The following MIB1 variants were observed in gnomAD, a reference collection of about 807,000 sequenced individuals.
MIB1 encodes the protein E3 ubiquitin-protein ligase MIB1.
In MIB1, 278 loss-of-function variants were observed where a neutral mutation model predicts 124.5. The ratio of observed to expected loss-of-function variants is 2.23; its 90% CI spans 2.02 to 2.47. The LOEUF is 2.47. MIB1 is among the 30% of genes most tolerant of loss of function. The pLI is 0.00. For missense variants in MIB1, 957 were observed against 1,254.4 expected (o/e 0.76, Z 3.58); for synonymous variants, 446 against 429.4 (o/e 1.04, Z -0.48).
chr18:21,757,482 AC>A (rs2041047196), intron 1 of MIB1, among the ~76,000 whole-genome samples: 2 of 115,402 alleles, frequency 1.7e-5, no homozygotes, highest in African/African-American at 6.4e-5. Context: ...AAAAAAAAAG[AC>A]AGTCTTTTTT....
intron 12 of MIB1, chr18:21,826,748 G>T (rs1442752397): frequency 6.6e-6 from 1 of 152,092 alleles, no homozygotes; most frequent in Non-Finnish European, 1.5e-5. Context: ...TGCTCTCAGA[G>T]AAATATAGAG....
intron 13 of MIB1, among the ~76,000 whole-genome samples, chr18:21,839,485 G>C (rs2042062652): frequency 1.3e-5 from 2 of 151,998 alleles, no homozygotes; most frequent in African/African-American, 4.8e-5. Flanking sequence ...TAATGTTCTA[G>C]ATCTTTTGCA....
intron 12 of MIB1, among the ~76,000 whole-genome samples, chr18:21,834,998 T>C (rs953418744): frequency 8.5e-5 from 13 of 152,220 alleles, no homozygotes; most frequent in Admixed American, 7.9e-4. Flanking sequence ...TGCTTTAAAA[T>C]AGATATTTAA....
At chr18:21,743,103 A>G (rs2040873281) in intron 1 of MIB1, among the ~76,000 whole-genome samples, 1 of 152,182 alleles carries the variant, frequency 6.6e-6, no homozygotes, top group South Asian at 2.1e-4. Flanking sequence ...TTTGAATATT[A>G]AAAAGGGTGT....
At chr18:21,862,258 C>T (rs544313905) in intron 20 of MIB1, among the ~76,000 whole-genome samples, 60 of 152,226 alleles carry the variant, frequency 3.9e-4, no homozygotes, top group Non-Finnish European at 6.6e-4. Context: ...AACTTTAAGA[C>T]AAAAATGTGA....
rs2040841055 is a variant in MIB1, at chr18:21,740,926, C to T, written c.-658C>T. On this transcript the variant is annotated 5_prime_UTR_variant, in exon 1 of 21. Transcript: ENST00000261537. ...TAGACACTCTGAGAAGGTGCCGCTC[C>T]GGCCTTGGGTACGGCGGTACCCGGA... Among the ~76,000 whole-genome samples the T allele has an allele frequency of 6.6e-6, 1 of 152,238 alleles. No individual in the cohort carries two copies. Among genetic ancestry groups the T allele is most frequent in the South Asian group, 2.1e-4 (1 of 4,838 alleles).
intron 12 of MIB1, chr18:21,829,432 T>G (rs549755871): frequency 1.3e-5 from 2 of 156,862 alleles, no homozygotes; most frequent in East Asian, 3.8e-4. Flanking sequence ...TTCTTCTTTT[T>G]TTGTAGTCTG....
intron 10 of MIB1, 68 bp downstream of exon 10, chr18:21,804,082 G>C (rs1419030537): frequency 1.7e-6 from 2 of 1,151,046 alleles, no homozygotes; most frequent in African/African-American, 3.1e-5. Flanking sequence ...TATATCATGA[G>C]ATGGATTGTT....
chr18:21,740,502 A>G (rs1220788321), upstream of MIB1, among the ~76,000 whole-genome samples: 1 of 152,266 alleles, frequency 6.6e-6, no homozygotes, highest in Non-Finnish European at 1.5e-5. Context: ...AGACTAAAAG[A>G]ATATGGAATC....
At chr18:21,779,340 T>C (rs2041330368) in intron 5 of MIB1, 141 bp from the exon 6 acceptor site, 1 of 654,588 alleles carries the variant, frequency 1.5e-6, no homozygotes, top group African/African-American at 1.8e-5. Flanking sequence ...TAAAATTTTA[T>C]ACTTATAGGG....
chr18:21,802,672 G>A (rs2041662657), intron 9 of MIB1, among the ~76,000 whole-genome samples: 1 of 152,118 alleles, frequency 6.6e-6, no homozygotes, highest in Non-Finnish European at 1.5e-5. Context: ...TTCCTTAGAT[G>A]TCTGGTAATC....
intron 1 of MIB1, among the ~76,000 whole-genome samples, chr18:21,746,300 G>T (rs1183986638): frequency 6.6e-6 from 1 of 152,200 alleles, no homozygotes; most frequent in African/African-American, 2.4e-5. Context: ...TTGTCTGGGA[G>T]TTGTATGCGG....
At chr18:21,784,112 G>C (rs2041405036) in intron 6 of MIB1, among the ~76,000 whole-genome samples, 1 of 143,620 alleles carries the variant, frequency 7.0e-6, no homozygotes, top group Non-Finnish European at 1.5e-5. Flanking sequence ...GCAGTGGTGT[G>C]ATCTCGGCTC....
At position 21,870,500 on chromosome 18, in the gene MIB1, C is replaced by T. The variant is rs1409693031; in HGVS notation, c.*5834C>T. The stretch of plus-strand genomic sequence containing the variant: ...ATAGGATAAATTTGATAGGAAGTAA[C>T]TTAACCAGTCTGGAAGATTCAGCTT... On this transcript the variant is annotated 3_prime_UTR_variant, in exon 21 of 21. Coordinates refer to ENST00000261537, the MANE Select transcript of MIB1 (RefSeq NM_020774.4). 1 of 152,132 alleles carries T rather than the reference C, an allele frequency of 6.6e-6. No individual in the cohort carries two copies. Among genetic ancestry groups the T allele is most frequent in the East Asian group, 1.9e-4 (1 of 5,198 alleles). The allele number at this position is 152,132 out of a possible 1,614,324, so 9.4% of individuals were successfully genotyped here.
At chr18:21,739,059 AAGAG>A (rs1275225088), upstream of MIB1, among the ~76,000 whole-genome samples, 1 of 151,894 alleles carries the variant, frequency 6.6e-6, no homozygotes, top group Admixed American at 6.6e-5. Context: ...AATGCAGAAG[AAGAG>A]AGAAGAATCA....
chr18:21,706,334 G>T (rs926470627), intron 1 of MIB1, among the ~76,000 whole-genome samples: 2 of 152,304 alleles, frequency 1.3e-5, no homozygotes, highest in East Asian at 3.9e-4. Context: ...GCCTCCCAAA[G>T]TGCTGGTGAG....
chr18:21,747,554 C>T (rs1295828491), intron 1 of MIB1, among the ~76,000 whole-genome samples: 1 of 152,196 alleles, frequency 6.6e-6, no homozygotes, highest in Non-Finnish European at 1.5e-5. Context: ...CAACAGATTC[C>T]AAGCCTTGAT....
At chr18:21,804,796 G>A (rs1428180120) in intron 10 of MIB1, among the ~76,000 whole-genome samples, 4 of 152,100 alleles carry the variant, frequency 2.6e-5, no homozygotes, top group Non-Finnish European at 5.9e-5. Context: ...GGGCTAAATT[G>A]GTGGATCAAC....
intron 1 of MIB1, among the ~76,000 whole-genome samples, chr18:21,712,780 C>CT (rs1821316263): frequency 6.6e-6 from 1 of 152,096 alleles, no homozygotes; most frequent in African/African-American, 2.4e-5. Flanking sequence ...CCCATGGGAA[C>CT]TGCTAGATAA....
Sources: gnomAD v4.1 joint callset for allele counts (sites outside exome capture counted in the v4.1 genomes callset) on GRCh38, gnomAD v4.1.1 for gene constraint, MANE v1.5 for transcripts, NCBI Gene and HGNC (gene_info 2026-07-23, HGNC 2026-07-21) for gene names.